NFIB: variants seen among roughly 807,000 people sequenced by gnomAD.
NFIB encodes the protein nuclear factor 1 B-type.
NFIB carries 11 observed loss-of-function variants against 61.5 expected under a neutral mutation model. That is an observed-to-expected ratio of 0.18 (90% CI 0.11 to 0.30). NFIB has a LOEUF of 0.30. Among genes scored for constraint, NFIB ranks in the 10% least tolerant of loss-of-function variants. The pLI, the probability that NFIB is intolerant of heterozygous loss-of-function variation, is 1.00. For missense variants in NFIB, 471 were observed against 608.9 expected, an observed-to-expected ratio of 0.77 and a Z score of 2.38; for synonymous variants, 260 against 216.5, an observed-to-expected ratio of 1.20 and a Z score of -1.76.
At chr9:14,248,668 C>T (rs1173650807) in intron 2 of NFIB, among the ~76,000 whole-genome samples, 1 of 152,142 alleles carries the variant, frequency 6.6e-6, no homozygotes, top group African/African-American at 2.4e-5. Context: ...CGTGATCCTC[C>T]TCTAGCTCCT....
chr9:14,373,641 AGTGTGTGTGTGTGTGTGT>A (rs56764067), intron 1 of NFIB, among the ~76,000 whole-genome samples: 10 of 143,148 alleles, frequency 7.0e-5, no homozygotes, highest in South Asian at 2.3e-4. Flanking sequence ...TGTCCACATG[AGTGTGTGTGTGTGTGTGT>A]GTGTGTGTGT....
intron 2 of NFIB, among the ~76,000 whole-genome samples, chr9:14,305,389 T>G (rs898427729): frequency 6.6e-6 from 1 of 152,188 alleles, no homozygotes; most frequent in African/African-American, 2.4e-5. Flanking sequence ...TTACAACACA[T>G]TTATAGTCAA....
At chr9:14,409,118 G>A in the NFIB span, among the ~76,000 whole-genome samples, 1 of 152,132 alleles carries the variant, frequency 6.6e-6, no homozygotes, top group Non-Finnish European at 1.5e-5. Flanking sequence ...TGACATGCAT[G>A]CTGTAAACAT....
intron 2 of NFIB, among the ~76,000 whole-genome samples, chr9:14,249,475 C>T (rs1186816295): frequency 1.3e-5 from 2 of 151,994 alleles, no homozygotes; most frequent in Non-Finnish European, 2.9e-5. Flanking sequence ...GTTCATTCTA[C>T]TTTTTTTTAA....
At chr9:14,522,569 A>G in the NFIB span, among the ~76,000 whole-genome samples, 13 of 152,202 alleles carry the variant, frequency 8.5e-5, no homozygotes, top group African/African-American at 3.1e-4. Flanking sequence ...AATACTAGAG[A>G]AGGTGAACGA....
At chr9:14,451,646 A>C in the NFIB span, among the ~76,000 whole-genome samples, 3 of 152,196 alleles carry the variant, frequency 2.0e-5, no homozygotes, top group Admixed American at 2.0e-4. Context: ...TGCCACATAC[A>C]AATCATAATA....
At chr9:14,121,210 G>A (rs2038889330) in intron 7 of NFIB, among the ~76,000 whole-genome samples, 1 of 152,220 alleles carries the variant, frequency 6.6e-6, no homozygotes, top group Admixed American at 6.5e-5. Flanking sequence ...GTTGCAGTGA[G>A]CCGAGATGGC....
At chr9:14,252,126 C>A (rs2055700355) in intron 2 of NFIB, among the ~76,000 whole-genome samples, 1 of 152,104 alleles carries the variant, frequency 6.6e-6, no homozygotes, top group Admixed American at 6.5e-5. Context: ...GTATTTCACT[C>A]CCTAATGCAG....
intron 2 of NFIB, among the ~76,000 whole-genome samples, chr9:14,296,709 G>A (rs1166143430): frequency 1.3e-5 from 2 of 152,192 alleles, no homozygotes; most frequent in African/African-American, 4.8e-5. Flanking sequence ...TGGGCTTCCA[G>A]CCTCCAGAAC....
the NFIB span, among the ~76,000 whole-genome samples, chr9:14,496,916 C>T: frequency 1.3e-5 from 2 of 152,274 alleles, no homozygotes; most frequent in South Asian, 4.1e-4. Flanking sequence ...AATAATGGGT[C>T]TGTGTATTTC....
chr9:14,138,004 A>G lies in NFIB; in HGVS notation c.925+8685T>C, dbSNP rs561298742. On this transcript the variant is annotated intron_variant, in intron 6 of 10. Transcript: ENST00000380953. The stretch of plus-strand genomic sequence containing the variant: ...ATTAGTTTGCAAAATCATAAACATA[A>G]TATCTCAATGACTTATTTGGGATAC... Among the ~76,000 whole-genome samples the G allele has an allele frequency of 5.9e-5, 9 of 152,244 alleles. No individual in the cohort carries two copies. In the East Asian group the frequency reaches 1.5e-3, roughly 26 times the overall value.
the NFIB span, among the ~76,000 whole-genome samples, chr9:14,483,237 G>A: frequency 6.6e-6 from 1 of 152,226 alleles, no homozygotes; most frequent in East Asian, 1.9e-4. Flanking sequence ...AAATTTAACA[G>A]CAAAATACAT....
At position 14,379,105 on chromosome 9, in the gene NFIB, C is replaced by T. The variant is rs1108676; in HGVS notation, c.108+19419G>A. Among the ~76,000 whole-genome samples the T allele has an allele frequency of 6.4e-3, 966 of 152,100 alleles. 14 individuals carry two copies. The highest frequency in any genetic ancestry group is 0.022 in the African/African-American group (911 of 41,500). On this transcript the variant is annotated intron_variant, in intron 1 of 8. Coordinates refer to the NFIB transcript ENST00000380934. ...CAAAGAGAGGGCTCAGAACTTATAA[C>T]CAATCACCTCTCAGCATATCTTACC...
chr9:14,164,574 C>G (rs543247768), intron 3 of NFIB, among the ~76,000 whole-genome samples: 19 of 152,034 alleles, frequency 1.2e-4, no homozygotes, highest in Admixed American at 1.3e-4. Context: ...ACATGACATA[C>G]AAATATAAAA....
At chr9:14,502,461 C>T in the NFIB span, among the ~76,000 whole-genome samples, 1 of 152,192 alleles carries the variant, frequency 6.6e-6, no homozygotes, top group African/African-American at 2.4e-5. Flanking sequence ...GACAGGAAAT[C>T]TAATAGTGCA....
chr9:14,328,361 G>A (rs1369314897), intron 1 of NFIB, among the ~76,000 whole-genome samples: 1 of 152,036 alleles, frequency 6.6e-6, no homozygotes, highest in Non-Finnish European at 1.5e-5. Context: ...GCCTAGTCTG[G>A]TCTCAAACTC....
chr9:14,395,235 G>A (rs735875), intron 1 of NFIB, among the ~76,000 whole-genome samples: 10,632 of 149,010 alleles, frequency 0.071, 555 homozygotes, highest in East Asian at 0.18. Flanking sequence ...CCAAACAGCA[G>A]TTTTGGATGC....
intron 2 of NFIB, among the ~76,000 whole-genome samples, chr9:14,301,671 C>T (rs900363380): frequency 2.0e-5 from 3 of 152,086 alleles, no homozygotes; most frequent in Non-Finnish European, 4.4e-5. Flanking sequence ...ACACAGATGC[C>T]AAGCTTCCCC....
chr9:14,258,343 G>T (rs1219563911), intron 2 of NFIB, among the ~76,000 whole-genome samples: 2 of 152,206 alleles, frequency 1.3e-5, no homozygotes, highest in African/African-American at 4.8e-5. Flanking sequence ...TTGCTGGTGG[G>T]TGAGAACAGC....
Sources: allele counts gnomAD v4.1 joint callset (sites outside exome capture counted in the v4.1 genomes callset), GRCh38; gene constraint gnomAD v4.1.1; transcripts MANE v1.5; gene names NCBI Gene and HGNC (gene_info 2026-07-23, HGNC 2026-07-21).